CERK: variants seen among roughly 807,000 people sequenced by gnomAD.
CERK encodes the protein acylsphingosine kinase.
CERK carries 39 observed loss-of-function variants against 63.4 expected under a neutral mutation model. The observed-to-expected ratio is 0.61, with a 90% CI of 0.48 to 0.80. CERK has a LOEUF of 0.80. CERK is among the 30% of genes least tolerant of loss of function. The pLI is 0.00. For missense variants in CERK, 670 were observed against 714.1 expected (o/e 0.94, Z 0.70); for synonymous variants, 302 against 280.0 (o/e 1.08, Z -0.78).
At chr22:46,736,199 G>A (rs1383960463) in intron 1 of CERK, among the ~76,000 whole-genome samples, 1 of 152,248 alleles carries the variant, frequency 6.6e-6, no homozygotes, top group East Asian at 1.9e-4. Context: ...CCAGCAGGCT[G>A]GACAAAAGCA....
intron 1 of CERK, among the ~76,000 whole-genome samples, chr22:46,735,983 G>A (rs114852167): frequency 4.5e-4 from 68 of 152,354 alleles, no homozygotes; most frequent in African/African-American, 1.6e-3. Flanking sequence ...ACTCCTGGGT[G>A]GAGAGGGCAG....
chr22:46,727,210 T>TA (rs1226340394), intron 1 of CERK, among the ~76,000 whole-genome samples: 3 of 152,034 alleles, frequency 2.0e-5, no homozygotes, highest in Admixed American at 6.6e-5. Context: ...AATCATAACT[T>TA]ACTGCTATTT....
intron 3 of CERK, among the ~76,000 whole-genome samples, chr22:46,717,687 G>T (rs1462718483): frequency 6.6e-6 from 1 of 152,238 alleles, no homozygotes; most frequent in African/African-American, 2.4e-5. Context: ...CACGGTGGGG[G>T]ACCCTGGGGC....
intron 9 of CERK, 55 bp downstream of exon 9, chr22:46,695,155 G>A (rs1272092563): frequency 1.4e-5 from 13 of 943,300 alleles, no homozygotes; most frequent in Admixed American, 2.0e-5. Context: ...CTTCCTAACC[G>A]TCCTGCTTCA....
intron 9 of CERK, among the ~76,000 whole-genome samples, chr22:46,694,513 GC>G (rs1227545276): frequency 6.6e-6 from 1 of 152,038 alleles, no homozygotes; most frequent in Non-Finnish European, 1.5e-5. Context: ...TCTGCACTCA[GC>G]CTCCCCTCCC....
chr22:46,717,674 G>C (rs999964128), intron 3 of CERK, among the ~76,000 whole-genome samples: 1 of 152,234 alleles, frequency 6.6e-6, no homozygotes, highest in African/African-American at 2.4e-5. Flanking sequence ...ATGACCACAG[G>C]GGCACGGTGG....
chr22:46,728,793 G>C (rs2082932292), intron 1 of CERK, among the ~76,000 whole-genome samples: 1 of 152,222 alleles, frequency 6.6e-6, no homozygotes, highest in Non-Finnish European at 1.5e-5. Context: ...TCCAGCTCTG[G>C]CCTCGGGGAC....
chr22:46,693,878 T>G (rs1342709976), intron 9 of CERK: 4 of 288,396 alleles, frequency 1.4e-5, no homozygotes, highest in Non-Finnish European at 2.7e-5. Context: ...AGAAAACAAA[T>G]CATACAGGGT....
intron 10 of CERK, among the ~76,000 whole-genome samples, chr22:46,692,847 G>A (rs1044370368): frequency 6.9e-6 from 1 of 145,884 alleles, no homozygotes; most frequent in African/African-American, 2.6e-5. Flanking sequence ...GGAGGTTGCA[G>A]TGAGCTGATA....
Position 46,685,691 on chromosome 22 carries a change from AACC to A in CERK, c.*1440_*1442del, listed in dbSNP as rs1004723058. ...GCTCTCTGATAATGTGGTCCATAAA[AACC>A]ACCATTAAAGCTGCCCTTTCACCTG... On this transcript the variant is annotated 3_prime_UTR_variant, in exon 13 of 13. Coordinates refer to ENST00000216264, the MANE Select transcript of CERK (RefSeq NM_022766.6). 1.3e-5 allele frequency: 2 copies of A among 152,366 alleles called. No homozygotes were observed. The highest frequency in any genetic ancestry group is 6.5e-5 in the Admixed American group (1 of 15,300). The allele number at this position is 152,366 out of a possible 1,614,324, so 9.4% of individuals were successfully genotyped here.
Position 46,691,385 on chromosome 22 carries a change from C to T in CERK, c.1332+187G>A, listed in dbSNP as rs1444817109. Among the ~76,000 whole-genome samples the T allele has an allele frequency of 2.0e-5, 3 of 151,742 alleles. No homozygotes were observed. The East Asian group carries it at 5.8e-4, about 29-fold the overall frequency. On this transcript the variant is annotated intron_variant, in intron 11 of 12. Transcript: ENST00000216264. ...ACCGCATCTGGCCTCAAAAATTTAT[C>T]GTTTTAAATGATATTTTACAAGGAG... is the stretch of plus-strand genomic sequence containing the variant.
Position 46,693,454 on chromosome 22 carries a change from T to G in CERK, c.1099A>C (p.Lys367Gln), listed in dbSNP as rs1051157298. The G allele has an allele frequency of 1.2e-6, 2 of 1,614,182 alleles. No homozygotes were observed. Among genetic ancestry groups the G allele is most frequent in the South Asian group, 1.1e-5 (1 of 91,090 alleles). Residue 367 changes from lysine to glutamine, a missense_variant, in exon 10 of 13, where the codon AAA (lysine) becomes CAA (glutamine). Lys to Gln is a moderately conservative substitution (Grantham distance 53, BLOSUM62 1). Coordinates refer to ENST00000216264, the MANE Select transcript of CERK (RefSeq NM_022766.6). The part of the protein sequence containing the change: ...SKQQLEEEQK[K>Q]ALYGLEAAED... ...GCAGCTTCCAAACCATACAGTGCTT[T>G]CTTCTGCTCCTCCTCCAGCTGCTGC...
At chr22:46,726,916 C>A (rs1483072465) in intron 1 of CERK, among the ~76,000 whole-genome samples, 1 of 152,242 alleles carries the variant, frequency 6.6e-6, no homozygotes, top group Non-Finnish European at 1.5e-5. Flanking sequence ...GTGTCCCCAG[C>A]CCTTGCCTCC....
chr22:46,698,321 G>A (rs801708), intron 8 of CERK, among the ~76,000 whole-genome samples: 22,752 of 152,298 alleles, frequency 0.15, 3,147 homozygotes, highest in African/African-American at 0.35. Flanking sequence ...CCGAGCCGCA[G>A]GAAGGCAGGA....
At chr22:46,699,509 C>G (rs1192147135) in intron 7 of CERK, 44 bp from the exon 8 acceptor site, 2 of 1,601,916 alleles carry the variant, frequency 1.2e-6, no homozygotes, top group South Asian at 2.2e-5. Context: ...CCCCCTCCAG[C>G]CCCGCCCCAT....
At chr22:46,721,965 T>C (rs2082894837) in intron 1 of CERK, among the ~76,000 whole-genome samples, 1 of 152,124 alleles carries the variant, frequency 6.6e-6, no homozygotes, top group Admixed American at 6.5e-5. Flanking sequence ...AGCAGAGCTG[T>C]GGGAGGTGAC....
In CERK at chr22:46,693,542, C is replaced by T. The variant is rs200655577; in HGVS notation, c.1050-39G>A. Reference sequence around the variant, plus strand: ...ATATCATCACCTTTTAAATATGGAGCTGCAGGTGCAGTGCGTATGCTTGGC... The same window carrying T: ...ATATCATCACCTTTTAAATATGGAGTTGCAGGTGCAGTGCGTATGCTTGGC... On this transcript the variant is annotated intron_variant, in intron 9 of 12. Transcript: ENST00000216264. The T allele has an allele frequency of 2.1e-4, 329 of 1,545,502 alleles. 1 individual carries two copies. The African/African-American group carries it at 3.0e-3, about 14-fold the overall frequency.
At chr22:46,699,568 A>C (rs1328694941) in intron 7 of CERK, 103 bp from the exon 8 acceptor site, 1 of 1,050,986 alleles carries the variant, frequency 9.5e-7, no homozygotes, top group East Asian at 2.4e-5. Context: ...AGTTACTTTT[A>C]AAAAGTGTGA....
chr22:46,715,743 C>T (rs1229556395), intron 3 of CERK, among the ~76,000 whole-genome samples: 1 of 152,182 alleles, frequency 6.6e-6, no homozygotes, highest in Non-Finnish European at 1.5e-5. Flanking sequence ...TCACCTCACA[C>T]TGGACACAAA....
Sources: allele counts gnomAD v4.1 joint callset (sites outside exome capture counted in the v4.1 genomes callset), GRCh38; gene constraint gnomAD v4.1.1; transcripts MANE v1.5; gene names NCBI Gene and HGNC (gene_info 2026-07-23, HGNC 2026-07-21).